CFAP53: variants seen among roughly 807,000 people sequenced by gnomAD.
The protein encoded by CFAP53 is cilia- and flagella-associated protein 53.
Under a neutral mutation model 59.7 loss-of-function variants are expected in CFAP53, and 62 were observed. That is an observed-to-expected ratio of 1.04 (90% CI 0.85 to 1.28). CFAP53 has a LOEUF of 1.28. CFAP53 is among the 50% of genes most tolerant of loss of function. CFAP53 has a pLI of 0.00. For missense variants in CFAP53, 629 were observed against 615.6 expected, an observed-to-expected ratio of 1.02 and a Z score of -0.23; for synonymous variants, 218 against 205.7, an observed-to-expected ratio of 1.06 and a Z score of -0.51.
chr18:50,237,218 T>A (rs142548417), intron 7 of CFAP53, among the ~76,000 whole-genome samples: 1 of 141,462 alleles, frequency 7.1e-6, no homozygotes, highest in African/African-American at 2.7e-5. Context: ...AGGCAGAGAA[T>A]TGCTTGAACC....
chr18:50,254,981 T>C (rs2033834542), intron 3 of CFAP53, among the ~76,000 whole-genome samples: 2 of 152,170 alleles, frequency 1.3e-5, no homozygotes, highest in East Asian at 3.9e-4. Flanking sequence ...CACAAAAACC[T>C]GTACACAAAC....
intron 3 of CFAP53, among the ~76,000 whole-genome samples, chr18:50,253,475 G>A (rs950111796): frequency 1.3e-5 from 2 of 152,170 alleles, no homozygotes; most frequent in African/African-American, 4.8e-5. Flanking sequence ...AAGCAACAGA[G>A]ACTCAGGGAG....
chr18:50,234,402 C>G (rs1419627767), intron 7 of CFAP53, among the ~76,000 whole-genome samples: 1 of 152,188 alleles, frequency 6.6e-6, no homozygotes, highest in African/African-American at 2.4e-5. Context: ...GCCCCACATT[C>G]ATATAACACA....
intron 7 of CFAP53, 120 bp from the exon 8 acceptor site, chr18:50,227,729 G>A (rs938448174): frequency 6.8e-6 from 5 of 730,824 alleles, no homozygotes; most frequent in Non-Finnish European, 1.1e-5. Context: ...AAATCAGGGT[G>A]AGTGGAGAAG....
At chr18:50,242,788 T>C (rs982630301) in intron 6 of CFAP53, 112 bp downstream of exon 6, 2 of 871,654 alleles carry the variant, frequency 2.3e-6, no homozygotes, top group Non-Finnish European at 1.8e-6. Context: ...TTCATCCTTT[T>C]TGCATCCCTC....
At chr18:50,252,443 G>A (rs925050198) in intron 3 of CFAP53, among the ~76,000 whole-genome samples, 3 of 151,876 alleles carry the variant, frequency 2.0e-5, no homozygotes, top group Admixed American at 6.6e-5. Flanking sequence ...TCACTCTGTC[G>A]CTCAGGCTGG....
chr18:50,235,072 T>C (rs1243389788), intron 7 of CFAP53, among the ~76,000 whole-genome samples: 1 of 152,016 alleles, frequency 6.6e-6, no homozygotes, highest in Non-Finnish European at 1.5e-5. Context: ...GGCACCTGCA[T>C]GCTGTTAAAT....
chr18:50,243,900 C>T (rs939552147), intron 5 of CFAP53, among the ~76,000 whole-genome samples: 3 of 150,500 alleles, frequency 2.0e-5, no homozygotes, highest in Non-Finnish European at 3.0e-5. Context: ...TGCAGTGAGC[C>T]GAGATCGTGC....
intron 3 of CFAP53, among the ~76,000 whole-genome samples, chr18:50,259,371 G>A (rs2033871356): frequency 1.3e-5 from 2 of 149,072 alleles, no homozygotes; most frequent in South Asian, 4.2e-4. Flanking sequence ...AACATTGCAT[G>A]TTCTCACTAG....
chr18:50,249,743 G>C lies in CFAP53; in HGVS notation c.996+1015C>G, dbSNP rs61160208. Among the ~76,000 whole-genome samples, 215 of 152,160 alleles carry C rather than the reference G, an allele frequency of 1.4e-3. 3 individuals carry two copies. The East Asian group carries it at 0.04, about 28-fold the overall frequency. On this transcript the variant is annotated intron_variant, in intron 5 of 7. Coordinates refer to ENST00000398545, the MANE Select transcript of CFAP53 (RefSeq NM_145020.5). ...GAGGGAAGTAGGTGTGTCTATAAAA[G>C]GGCAATATGAAAGATCCTGGTGATG...
At chr18:50,227,649 T>A in intron 7 of CFAP53, 40 bp from the exon 8 acceptor site, 1 of 1,431,164 alleles carries the variant, frequency 7.0e-7, no homozygotes, top group Non-Finnish European at 9.8e-7. Flanking sequence ...ATTATAAAAG[T>A]AAGCATTTAG....
rs200321140 is a variant in CFAP53 at position 50,242,969 on chromosome 18, C to A, written c.1144G>T (p.Glu382Ter). ...ACAAGCTGTCTCCTTGCCTCCTTTT[C>A]AAGTCTCAGCTCCTTGTCCTTCTCA... Reference protein sequence around the residue: ...LAEKDKELRLEKEARRQLVDE... With the variant: ...LAEKDKELRL Residue 382 changes from glutamate (E) to a stop codon, truncating the protein, a stop_gained, in exon 6 of 8, where the codon GAA (glutamate) becomes TAA (stop). Coordinates refer to ENST00000398545, the MANE Select transcript of CFAP53 (RefSeq NM_145020.5). LOFTEE classifies it high-confidence loss of function. 36 of 1,613,962 alleles carry A rather than the reference C, an allele frequency of 2.2e-5. No individual in the cohort carries two copies. Among genetic ancestry groups the A allele is most frequent in the Non-Finnish European group, 2.9e-5 (34 of 1,180,042 alleles).
chr18:50,263,168 C>T (rs1017508896), intron 1 of CFAP53, among the ~76,000 whole-genome samples: 1 of 152,132 alleles, frequency 6.6e-6, no homozygotes, highest in East Asian at 1.9e-4. Flanking sequence ...GCTGGGTGGG[C>T]TTGATGCAAT....
chr18:50,228,360 C>G (rs536767617), intron 7 of CFAP53, among the ~76,000 whole-genome samples: 16 of 152,302 alleles, frequency 1.1e-4, no homozygotes, highest in African/African-American at 3.6e-4. Flanking sequence ...TGATCTCATG[C>G]TGCTGGGGAC....
intron 7 of CFAP53, among the ~76,000 whole-genome samples, chr18:50,228,131 G>A (rs932231784): frequency 2.0e-5 from 3 of 151,196 alleles, no homozygotes; most frequent in Admixed American, 6.6e-5. Flanking sequence ...GCTAATTTTT[G>A]TATTTTTAGT....
chr18:50,233,581 T>C (rs2033602287), intron 7 of CFAP53, among the ~76,000 whole-genome samples: 1 of 152,248 alleles, frequency 6.6e-6, no homozygotes, highest in Admixed American at 6.5e-5. Flanking sequence ...TCTCATATTC[T>C]TTACAGCCCT....
chr18:50,234,871 C>A (rs1255194070), intron 7 of CFAP53, among the ~76,000 whole-genome samples: 1 of 152,236 alleles, frequency 6.6e-6, no homozygotes, highest in Non-Finnish European at 1.5e-5. Context: ...CATTCTGTTG[C>A]CCATGCAGTC....
intron 3 of CFAP53, among the ~76,000 whole-genome samples, chr18:50,252,383 C>A (rs185277155): frequency 2.0e-5 from 3 of 152,092 alleles, no homozygotes; most frequent in East Asian, 1.9e-4. Context: ...GGATTAGAGG[C>A]GTGAGCCACC....
intron 1 of CFAP53, among the ~76,000 whole-genome samples, chr18:50,263,268 G>A (rs1195601548): frequency 6.6e-6 from 1 of 152,198 alleles, no homozygotes; most frequent in African/African-American, 2.4e-5. Flanking sequence ...TAGGTAAGTT[G>A]TGAGATACTG....
Sources: allele counts gnomAD v4.1 joint callset (sites outside exome capture counted in the v4.1 genomes callset), GRCh38; gene constraint gnomAD v4.1.1; transcripts MANE v1.5; gene names NCBI Gene and HGNC (gene_info 2026-07-23, HGNC 2026-07-21).